Variants in ZDHHC15 observed in about 807,000 individuals in gnomAD.
ZDHHC15 encodes the protein zDHHC palmitoyltransferase 15.
A neutral mutation model predicts 31.7 loss-of-function variants in ZDHHC15; 19 were observed. That is an observed-to-expected ratio of 0.60 (90% CI 0.42 to 0.88). ZDHHC15 has a LOEUF of 0.88. ZDHHC15 is among the 40% of genes least tolerant of loss of function. ZDHHC15 has a pLI of 0.00. For missense variants in ZDHHC15, 209 were observed against 251.2 expected, an observed-to-expected ratio of 0.83 and a Z score of 1.14; for synonymous variants, 103 against 90.0, an observed-to-expected ratio of 1.14 and a Z score of -0.82.
chrX:75,508,032 A>G (rs1054372212), intron 1 of ZDHHC15, among the ~76,000 whole-genome samples: 5 of 111,566 alleles, frequency 4.5e-5, no homozygotes, highest in Non-Finnish European at 9.4e-5. Flanking sequence ...ATATAATGTG[A>G]GCCAGGTAGT....
rs996853416 is a variant in ZDHHC15, at chrX:75,509,789, T to C, written c.137-3942A>G. Among the ~76,000 whole-genome samples the C allele has an allele frequency of 6.2e-5, 7 of 112,591 alleles. No homozygotes were observed. The Admixed American group carries it at 6.6e-4, about 11-fold the overall frequency. On this transcript the variant is annotated intron_variant, in intron 1 of 11. Transcript: ENST00000373367. ...TGCTTTGCACATAAGTACTTAATTATTGTTAGCAATTTATAATCATTTTTC... is the reference window on the plus strand; with the variant it reads ...TGCTTTGCACATAAGTACTTAATTACTGTTAGCAATTTATAATCATTTTTC...
At chrX:75,500,246 C>A (rs190654826) in intron 2 of ZDHHC15, among the ~76,000 whole-genome samples, 11 of 108,112 alleles carry the variant, frequency 1.0e-4, no homozygotes, top group African/African-American at 3.7e-4. Flanking sequence ...TCAAACACCA[C>A]CTGCTCCCCC....
chrX:75,398,175 T>C (rs1263559676), intron 10 of ZDHHC15, among the ~76,000 whole-genome samples: 1 of 112,135 alleles, frequency 8.9e-6, no homozygotes, highest in Non-Finnish European at 1.9e-5. Flanking sequence ...AGTAGCAGCA[T>C]TGCACTTCCC....
intron 4 of ZDHHC15, among the ~76,000 whole-genome samples, chrX:75,447,447 C>T (rs2084049716): frequency 8.9e-6 from 1 of 112,148 alleles, no homozygotes; most frequent in East Asian, 2.8e-4. Flanking sequence ...GCAGTAGGCC[C>T]ATGCTTGTGG....
chrX:75,446,760 G>T (rs947559945), intron 4 of ZDHHC15, among the ~76,000 whole-genome samples: 2 of 111,261 alleles, frequency 1.8e-5, no homozygotes, highest in East Asian at 2.8e-4. Flanking sequence ...CCCTCTCATG[G>T]TGAAAGGGGC....
chrX:75,373,827 GT>G (rs1569300642), intron 11 of ZDHHC15, among the ~76,000 whole-genome samples: 1 of 105,799 alleles, frequency 9.5e-6, no homozygotes. Flanking sequence ...CAACAATCCA[GT>G]TATACTTTTA....
intron 4 of ZDHHC15, among the ~76,000 whole-genome samples, chrX:75,446,882 G>A (rs1394924411): frequency 9.0e-6 from 1 of 111,651 alleles, no homozygotes; most frequent in Non-Finnish European, 1.9e-5. Context: ...TCCCCTTGGG[G>A]ACAGGATTTC....
At chrX:75,392,932 TG>T (rs199915781) in intron 10 of ZDHHC15, among the ~76,000 whole-genome samples, 89 of 106,318 alleles carry the variant, frequency 8.4e-4, no homozygotes, top group East Asian at 7.6e-3. Context: ...CAGCAGGTCA[TG>T]GTTTTTTTTT....
intron 4 of ZDHHC15, among the ~76,000 whole-genome samples, chrX:75,434,122 G>C (rs2083819096): frequency 9.0e-6 from 1 of 111,537 alleles, no homozygotes; most frequent in African/African-American, 3.3e-5. Context: ...CACGTTTGTT[G>C]GCCATTTGTA....
intron 10 of ZDHHC15, chrX:75,384,972 C>A (rs1275762689): frequency 2.4e-6 from 1 of 416,490 alleles, no homozygotes; most frequent in South Asian, 3.7e-5. Context: ...ATTTGGTACC[C>A]TTGAAGAAGT....
chrX:75,513,496 T>C (rs1180500788), intron 1 of ZDHHC15, among the ~76,000 whole-genome samples: 4 of 111,148 alleles, frequency 3.6e-5, no homozygotes, highest in Non-Finnish European at 5.7e-5. Flanking sequence ...AGTAAGAGGA[T>C]ACTGTGACAT....
chrX:75,495,072 T>C (rs762154285), intron 2 of ZDHHC15, among the ~76,000 whole-genome samples: 15 of 110,934 alleles, frequency 1.4e-4, no homozygotes, highest in East Asian at 2.8e-4. Flanking sequence ...ACAATGAACT[T>C]AAACAAATTT....
intron 10 of ZDHHC15, among the ~76,000 whole-genome samples, chrX:75,380,446 G>A (rs2083102162): frequency 9.0e-6 from 1 of 111,443 alleles, no homozygotes. Context: ...TCTGCTTTTA[G>A]GATGCTTTTA....
Position 75,500,267 on chromosome X carries a change from A to AAAT in ZDHHC15, c.163+5551_163+5553dup, listed in dbSNP as rs756181632. Among the ~76,000 whole-genome samples, 662 of 108,928 alleles carry AAAT rather than the reference A, an allele frequency of 6.1e-3. 9 individuals are homozygous for AAAT. The highest frequency in any genetic ancestry group is 8.3e-3 in the South Asian group (21 of 2,518). 94.6% of individuals were successfully genotyped at this position (108,928 alleles called of 115,157 possible). A position where few individuals can be genotyped will look rare whatever the true frequency, so the allele number is the denominator to read the frequency against. On this transcript the variant is annotated intron_variant, in intron 2 of 11. Transcript: ENST00000373367. ...ACCACCTGCTCCCCCAAAACTATTGAAATAATAATAATAATAATAATAAAT... is the reference window on the plus strand; with the variant it reads ...ACCACCTGCTCCCCCAAAACTATTGAAATAATAATAATAATAATAATAATAAAT...
chrX:75,450,736 T>TAGCCTTTCTGAG, intron 4 of ZDHHC15, 66 bp downstream of exon 4: 1 of 1,208,945 alleles, frequency 8.3e-7, no homozygotes, highest in Non-Finnish European at 1.1e-6. Context: ...TTTGAGAACA[T>TAGCCTTTCTGAG]ATATGACTTA....
In ZDHHC15 at chrX:75,370,189, C is replaced by G. The variant is rs2082992645; in HGVS notation, c.*2789G>C. On this transcript the variant is annotated 3_prime_UTR_variant, in exon 12 of 12. Coordinates refer to ENST00000373367, the MANE Select transcript of ZDHHC15 (RefSeq NM_144969.3). The stretch of plus-strand genomic sequence containing the variant: ...CACTAGAAAGTGACATAGCACCCTT[C>G]AGCAGTAGGATCCTAACAATGAGTA... 1 of 111,625 alleles carries G rather than the reference C, an allele frequency of 9.0e-6. No homozygotes were observed. Among genetic ancestry groups the G allele is most frequent in the Admixed American group, 9.6e-5 (1 of 10,461 alleles). 9.2% of individuals were successfully genotyped at this position (111,625 alleles called of 1,213,427 possible).
Position 75,450,898 on chromosome X carries a change from C to T in ZDHHC15, c.283G>A (p.Glu95Lys). The stretch of plus-strand genomic sequence containing the variant: ...GGTCTTTCTTCATTTTCATAGCGCT[C>T]CTTGTCTGTGTAGGACAAGTGGAAC... ...QKFHLSYTDK[E>K]RYENEERPEV... is the part of the protein sequence containing the mutation. Residue 95 changes from glutamate (E) to lysine (K), a missense_variant, in exon 4 of 12, where the codon GAG (glutamate) becomes AAG (lysine). Physicochemically the swap from Glu to Lys is moderately conservative, Grantham distance 56. Coordinates refer to ENST00000373367, the MANE Select transcript of ZDHHC15 (RefSeq NM_144969.3). The T allele has an allele frequency of 1.7e-6, 2 of 1,209,460 alleles. No individual in the cohort carries two copies. The highest frequency in any genetic ancestry group is 2.2e-6 in the Non-Finnish European group (2 of 894,162).
chrX:75,515,283 A>C (rs1055558498), intron 1 of ZDHHC15, among the ~76,000 whole-genome samples: 2 of 111,570 alleles, frequency 1.8e-5, no homozygotes, highest in Non-Finnish European at 3.8e-5. Flanking sequence ...GAAAAAAAAG[A>C]GAGAGAATTT....
intron 8 of ZDHHC15, 108 bp downstream of exon 8, chrX:75,424,544 T>C (rs2083688841): frequency 2.4e-6 from 2 of 823,969 alleles, no homozygotes; most frequent in Non-Finnish European, 3.3e-6. Flanking sequence ...GGTAGAGGGA[T>C]GTCACTGCAG....
Sources: allele counts gnomAD v4.1 joint callset (sites outside exome capture counted in the v4.1 genomes callset), GRCh38; gene constraint gnomAD v4.1.1; transcripts MANE v1.5; gene names NCBI Gene and HGNC (gene_info 2026-07-23, HGNC 2026-07-21).